SH3GL2: variants seen among roughly 807,000 people sequenced by gnomAD.
SH3GL2 encodes the protein endophilin-A1.
SH3GL2 carries 24 observed loss-of-function variants against 46.0 expected under a neutral mutation model. The ratio of observed to expected loss-of-function variants is 0.52; its 90% CI spans 0.38 to 0.73. SH3GL2 has a LOEUF of 0.73. Among genes scored for constraint, SH3GL2 ranks in the 30% least tolerant of loss-of-function variants. The probability of loss-of-function intolerance (pLI) is 0.00; values close to 1 mark genes in which losing one functional copy is unlikely to be tolerated. For synonymous variants in SH3GL2, 196 were observed against 147.1 expected, an observed-to-expected ratio of 1.33 and a Z score of -2.40; for missense variants, 413 against 424.2, an observed-to-expected ratio of 0.97 and a Z score of 0.23.
chr9:17,691,310 TTATC>T (rs1821071759), intron 1 of SH3GL2, among the ~76,000 whole-genome samples: 1 of 152,202 alleles, frequency 6.6e-6, no homozygotes, highest in Non-Finnish European at 1.5e-5. Context: ...TACTTTTATT[TTATC>T]TATCAGAAAA....
intron 1 of SH3GL2, among the ~76,000 whole-genome samples, chr9:17,699,724 ATTAG>A (rs1431629397): frequency 2.0e-5 from 3 of 152,248 alleles, no homozygotes; most frequent in Non-Finnish European, 4.4e-5. Flanking sequence ...GGGCAGCTCT[ATTAG>A]TTCAGTGCAT....
intron 1 of SH3GL2, 52 bp downstream of exon 1, chr9:17,579,339 G>C: frequency 7.5e-7 from 1 of 1,325,544 alleles, no homozygotes; most frequent in Middle Eastern, 1.9e-4. Context: ...AAGCTGCGAG[G>C]GGCGCGCTCG....
chr9:17,616,199 G>GA (rs955629457), intron 1 of SH3GL2, among the ~76,000 whole-genome samples: 2 of 151,852 alleles, frequency 1.3e-5, no homozygotes, highest in African/African-American at 2.4e-5. Flanking sequence ...TATGTTTCTG[G>GA]AAAAAAAGAG....
chr9:17,637,990 AC>A lies in SH3GL2; in HGVS notation c.45+58704del, dbSNP rs1411767074. Among the ~76,000 whole-genome samples the A allele has an allele frequency of 2.6e-5, 4 of 152,162 alleles. No homozygotes were observed. The South Asian group carries it at 6.2e-4, about 24-fold the overall frequency. ...GCTAACACAGTGAAACCCCGTCTCT[AC>A]TAAAAATACAGAAAAATTAGCCGGG... is the stretch of plus-strand genomic sequence containing the variant. On this transcript the variant is annotated intron_variant, in intron 1 of 8. Coordinates refer to ENST00000380607, the MANE Select transcript of SH3GL2 (RefSeq NM_003026.5).
intron 2 of SH3GL2, among the ~76,000 whole-genome samples, chr9:17,752,278 GT>G (rs1317796295): frequency 6.6e-6 from 1 of 152,108 alleles, no homozygotes; most frequent in Non-Finnish European, 1.5e-5. Context: ...CTCTGTGATT[GT>G]TTATTGAGCT....
intron 1 of SH3GL2, among the ~76,000 whole-genome samples, chr9:17,712,165 C>T (rs1821643184): frequency 1.3e-5 from 2 of 151,652 alleles, no homozygotes; most frequent in Middle Eastern, 3.4e-3. Context: ...GGGTGATTTT[C>T]TTATTGTTTC....
intron 1 of SH3GL2, among the ~76,000 whole-genome samples, chr9:17,593,130 A>G (rs1233419692): frequency 1.3e-5 from 2 of 152,180 alleles, no homozygotes; most frequent in African/African-American, 4.8e-5. Context: ...CTGGCTGTTC[A>G]TCTGTATCCT....
chr9:17,688,505 C>G (rs1288577458), intron 1 of SH3GL2, among the ~76,000 whole-genome samples: 1 of 151,948 alleles, frequency 6.6e-6, no homozygotes, highest in Non-Finnish European at 1.5e-5. Flanking sequence ...CGTGAGCACA[C>G]CTAGTGCTCA....
intron 1 of SH3GL2, among the ~76,000 whole-genome samples, chr9:17,731,942 G>T (rs186548241): frequency 6.6e-6 from 1 of 152,246 alleles, no homozygotes; most frequent in Admixed American, 6.5e-5. Context: ...ATTTTTAAAT[G>T]AACAAGTGGT....
chr9:17,722,545 C>CT lies in SH3GL2; in HGVS notation c.46-24518dup, dbSNP rs367779736. 6.0e-3 allele frequency among the ~76,000 whole-genome samples: 915 copies of CT among 151,522 alleles called. 11 individuals are homozygous for CT. Among genetic ancestry groups the CT allele is most frequent in the African/African-American group, 0.021 (868 of 41,320 alleles). ...TTTATTTTATTTTATCATTATTATA[C>CT]TTTAAGTTTTAGGGTACATGTGCAC... On this transcript the variant is annotated intron_variant, in intron 1 of 8. Transcript: ENST00000380607.
At chr9:17,624,570 T>C (rs979279053) in intron 1 of SH3GL2, among the ~76,000 whole-genome samples, 1 of 152,214 alleles carries the variant, frequency 6.6e-6, no homozygotes, top group Non-Finnish European at 1.5e-5. Flanking sequence ...CCATTTTCCG[T>C]TGGTTCATAA....
chr9:17,774,129 T>G (rs978960430), intron 3 of SH3GL2, among the ~76,000 whole-genome samples: 4 of 152,174 alleles, frequency 2.6e-5, no homozygotes, highest in Non-Finnish European at 4.4e-5. Context: ...ATGCAACTGA[T>G]TTTTGTGTGT....
intron 1 of SH3GL2, among the ~76,000 whole-genome samples, chr9:17,682,401 C>A (rs1394128510): frequency 1.3e-5 from 2 of 152,128 alleles, no homozygotes; most frequent in East Asian, 3.8e-4. Flanking sequence ...GAGATCAGAT[C>A]CTTTGCAGGG....
intron 1 of SH3GL2, among the ~76,000 whole-genome samples, chr9:17,611,007 G>T (rs965829897): frequency 6.6e-6 from 1 of 152,122 alleles, no homozygotes; most frequent in Non-Finnish European, 1.5e-5. Flanking sequence ...CTTAGTGAAG[G>T]TTCTTTCAAT....
intron 1 of SH3GL2, among the ~76,000 whole-genome samples, chr9:17,662,872 G>T (rs914971112): frequency 6.6e-6 from 1 of 152,036 alleles, no homozygotes; most frequent in Non-Finnish European, 1.5e-5. Flanking sequence ...ACCACGCCCA[G>T]CTCATTTTTG....
chr9:17,792,523 C>T (rs575108488), intron 7 of SH3GL2, among the ~76,000 whole-genome samples: 3 of 152,262 alleles, frequency 2.0e-5, no homozygotes, highest in African/African-American at 7.2e-5. Context: ...ATGTAGAAGA[C>T]AATTATTAGC....
chr9:17,760,808 C>A (rs1394437876), intron 2 of SH3GL2, among the ~76,000 whole-genome samples: 2 of 152,106 alleles, frequency 1.3e-5, no homozygotes, highest in African/African-American at 4.8e-5. Context: ...TGACCTCTTT[C>A]AAGTGGGGAG....
intron 1 of SH3GL2, among the ~76,000 whole-genome samples, chr9:17,635,798 C>T (rs772712344): frequency 7.9e-5 from 12 of 152,144 alleles, no homozygotes; most frequent in Non-Finnish European, 1.3e-4. Context: ...AGTGGACATC[C>T]TAAGGCTCTC....
intron 3 of SH3GL2, among the ~76,000 whole-genome samples, chr9:17,763,577 G>C (rs1823237995): frequency 6.6e-6 from 1 of 152,180 alleles, no homozygotes; most frequent in Non-Finnish European, 1.5e-5. Context: ...GATTCTCTCA[G>C]AGCCTCCAGA....
Sources: allele counts gnomAD v4.1 joint callset (sites outside exome capture counted in the v4.1 genomes callset), GRCh38; gene constraint gnomAD v4.1.1; transcripts MANE v1.5; gene names NCBI Gene and HGNC (gene_info 2026-07-23, HGNC 2026-07-21).